The following PAICS variants were observed in gnomAD, a reference collection of about 807,000 sequenced individuals.
PAICS encodes the protein bifunctional phosphoribosylaminoimidazole carboxylase/phosphoribosylaminoimidazole succinocarboxamide synthetase.
In PAICS, 33 loss-of-function variants were observed where a neutral mutation model predicts 53.7. The ratio of observed to expected loss-of-function variants is 0.61; its 90% CI spans 0.47 to 0.82. The LOEUF (loss-of-function observed/expected upper bound fraction) is 0.82. Among genes scored for constraint, PAICS ranks in the 40% least tolerant of loss-of-function variants. The pLI is 0.00. For synonymous variants in PAICS, 141 were observed against 167.2 expected (o/e 0.84, Z 1.21); for missense variants, 394 against 494.1 (o/e 0.80, Z 1.92).
At chr4:56,425,671 T>C in the PAICS span, among the ~76,000 whole-genome samples, 1 of 152,206 alleles carries the variant, frequency 6.6e-6, no homozygotes, top group African/African-American at 2.4e-5. Context: ...GAGGCTACTC[T>C]AGGTGGGTTC....
At chr4:56,434,798 T>G (rs1717806727), upstream of PAICS, among the ~76,000 whole-genome samples, 1 of 152,238 alleles carries the variant, frequency 6.6e-6, no homozygotes, top group Non-Finnish European at 1.5e-5. Context: ...CATCTTTCCC[T>G]GGGTCTGAAG....
At chr4:56,423,285 T>C in the PAICS span, 1 of 152,230 alleles carries the variant, frequency 6.6e-6, no homozygotes, top group Non-Finnish European at 1.5e-5. Context: ...GATTCTTAGG[T>C]TTCCATAGGC....
upstream of PAICS, chr4:56,435,912 C>T: frequency 6.7e-7 from 1 of 1,491,382 alleles, no homozygotes; most frequent in South Asian, 1.1e-5. Flanking sequence ...ATGCTTCCCC[C>T]AGGCCGTCAA....
chr4:56,417,205 A>G, the PAICS span, among the ~76,000 whole-genome samples: 1 of 152,258 alleles, frequency 6.6e-6, no homozygotes, highest in African/African-American at 2.4e-5. Flanking sequence ...CTTACATAAT[A>G]GAAAAACTTA....
intron 1 of PAICS, among the ~76,000 whole-genome samples, chr4:56,438,402 T>TATATATATATATATATATAA (rs1488140962): frequency 7.6e-6 from 1 of 132,160 alleles, no homozygotes; most frequent in Admixed American, 8.3e-5. Flanking sequence ...TATATATATA[T>TATATATATATATATATATAA]AAAAGGTTTT....
chr4:56,436,250 CCT>C, upstream of PAICS: 1 of 1,564,120 alleles, frequency 6.4e-7, no homozygotes, highest in Non-Finnish European at 8.7e-7. Flanking sequence ...TCTGACCACC[CCT>C]CTTTTCTAGA....
upstream of PAICS, among the ~76,000 whole-genome samples, chr4:56,433,397 TAAAA>T (rs34598008): frequency 1.7e-5 from 2 of 118,260 alleles, no homozygotes; most frequent in African/African-American, 3.2e-5. Context: ...TGGTATTCAT[TAAAA>T]AAAAAAAAAA....
chr4:56,415,264 T>C, the PAICS span, among the ~76,000 whole-genome samples: 1 of 152,236 alleles, frequency 6.6e-6, no homozygotes, highest in African/African-American at 2.4e-5. Context: ...GAGTAAATTT[T>C]TAATTGAGAC....
In PAICS at chr4:56,449,828, T is replaced by C. The variant is rs62309291; in HGVS notation, c.688-791T>C. Among the ~76,000 whole-genome samples, 245 of 145,978 alleles carry C rather than the reference T, an allele frequency of 1.7e-3. 9 individuals carry two copies. In the South Asian group the frequency reaches 0.037, roughly 22 times the overall value. ...CTCAAAAAAAAAAAAAAAAAAAAAT[T>C]AGCCAGGCATGGTGGTGGGCACCTG... On this transcript the variant is annotated intron_variant, in intron 5 of 8. Transcript: ENST00000512576.
At chr4:56,435,387 G>A (rs1261388872), upstream of PAICS, 1 of 1,613,568 alleles carries the variant, frequency 6.2e-7, no homozygotes, top group Non-Finnish European at 8.5e-7. Flanking sequence ...GTGATCACAT[G>A]CGGTACATCC....
At chr4:56,448,920 T>C (rs562519099) in intron 5 of PAICS, 97 bp downstream of exon 5, 11 of 677,276 alleles carry the variant, frequency 1.6e-5, no homozygotes, top group Non-Finnish European at 2.9e-5. Flanking sequence ...TTGTTCCTAA[T>C]GATATGAACC....
chr4:56,431,826 A>T (rs1238472634), upstream of PAICS, among the ~76,000 whole-genome samples: 1 of 152,184 alleles, frequency 6.6e-6, no homozygotes, highest in African/African-American at 2.4e-5. Context: ...TTTGTTCAGA[A>T]CTCCGCAAAC....
upstream of PAICS, chr4:56,436,184 GAA>G (rs1717934030): frequency 6.6e-7 from 1 of 1,509,760 alleles, no homozygotes; most frequent in Admixed American, 2.2e-5. Context: ...AGCGGAGCTC[GAA>G]AAGAGTGGCG....
At chr4:56,439,269 C>G (rs1718212025) in intron 1 of PAICS, among the ~76,000 whole-genome samples, 1 of 152,164 alleles carries the variant, frequency 6.6e-6, no homozygotes, top group South Asian at 2.1e-4. Flanking sequence ...CGGAGTCTCC[C>G]TCTCTTGCCC....
chr4:56,435,617 CGGCGG>C, upstream of PAICS: 2 of 1,474,926 alleles, frequency 1.4e-6, no homozygotes, highest in African/African-American at 2.8e-5. Context: ...CCAGCTACTG[CGGCGG>C]CGCGCGCTGT....
At chr4:56,448,007 C>CTTTTTTT (rs35788109) in intron 3 of PAICS, among the ~76,000 whole-genome samples, 21 of 121,994 alleles carry the variant, frequency 1.7e-4, no homozygotes, top group East Asian at 1.2e-3. Flanking sequence ...AATTTCTTTT[C>CTTTTTTT]TTTTTTTTTT....
the PAICS span, among the ~76,000 whole-genome samples, chr4:56,418,020 G>T: frequency 6.6e-6 from 1 of 151,972 alleles, no homozygotes; most frequent in East Asian, 1.9e-4. Context: ...TGTATTTTCA[G>T]TAAATACAGG....
chr4:56,450,615 C>A lies in PAICS; in HGVS notation c.688-4C>A. ...TTTTCTAAACTTTCTATCTTATTTTCTAGTCTTATCGGGACCTCAAAGAAG... is the reference window on the plus strand; with the variant it reads ...TTTTCTAAACTTTCTATCTTATTTTATAGTCTTATCGGGACCTCAAAGAAG... On this transcript the variant is annotated splice_polypyrimidine_tract_variant and splice_region_variant and intron_variant, in intron 5 of 8. Coordinates refer to ENST00000512576, the MANE Select transcript of PAICS (RefSeq NM_001079524.2). The A allele has an allele frequency of 6.9e-7, 1 of 1,445,282 alleles. No homozygotes were observed. Among genetic ancestry groups the A allele is most frequent in the Non-Finnish European group, 9.5e-7 (1 of 1,051,302 alleles). The allele number at this position is 1,445,282 out of a possible 1,614,324, so 89.5% of individuals were successfully genotyped here.
Position 56,448,435 on chromosome 4 carries a change from C to T in PAICS, c.411C>T (p.Asp137=). 6.3e-7 allele frequency: 1 copy of T among 1,596,416 alleles called. No homozygotes were observed. Among genetic ancestry groups the T allele is most frequent in the South Asian group, 1.1e-5 (1 of 88,788 alleles). ...ATTCACAGGATGATGCCAATAATGA[C>T]CCACAGTGGTCTGAGGAACAGCTGA... ...ELFFKDDANN[D]PQWSEEQLIA... Residue 137 remains aspartate (D), a synonymous_variant, in exon 4 of 9, where the codon GAC becomes GAT. Transcript: ENST00000512576.
Sources: gnomAD v4.1 joint callset for allele counts (sites outside exome capture counted in the v4.1 genomes callset) on GRCh38, gnomAD v4.1.1 for gene constraint, MANE v1.5 for transcripts, NCBI Gene and HGNC (gene_info 2026-07-23, HGNC 2026-07-21) for gene names.